PDE11A: variants seen among roughly 807,000 people sequenced by gnomAD.
The protein encoded by PDE11A is dual 3',5'-cyclic-AMP and -GMP phosphodiesterase 11A.
In PDE11A, 100 loss-of-function variants were observed where a neutral mutation model predicts 100.5. The observed-to-expected ratio is 1.00, with a 90% confidence interval of 0.85 to 1.18. The LOEUF (loss-of-function observed/expected upper bound fraction) is 1.18, where lower values mean the gene tolerates loss of function less well. Ranked by LOEUF, PDE11A falls within the 50% of genes most tolerant of loss-of-function variation. The pLI is 0.00. For synonymous variants in PDE11A, 381 were observed against 420.8 expected, an observed-to-expected ratio of 0.91 and a Z score of 1.16; for missense variants, 1,141 against 1,152.6, an observed-to-expected ratio of 0.99 and a Z score of 0.15.
At chr2:177,795,793 G>A (rs1347307348) in intron 9 of PDE11A, among the ~76,000 whole-genome samples, 1 of 151,384 alleles carries the variant, frequency 6.6e-6, no homozygotes, top group Non-Finnish European at 1.5e-5. Flanking sequence ...TCATTTTTAT[G>A]TATTGAGAAA....
intron 9 of PDE11A, among the ~76,000 whole-genome samples, chr2:177,786,576 G>A (rs2082541267): frequency 5.3e-5 from 8 of 152,156 alleles, no homozygotes; most frequent in Admixed American, 5.2e-4. Context: ...GGCTTCAGAC[G>A]ATCAAATTAC....
chr2:178,007,853 T>C (rs6433707), intron 2 of PDE11A, among the ~76,000 whole-genome samples: 149,904 of 152,174 alleles, frequency 0.99, 73,870 homozygotes, highest in East Asian at 1. Context: ...TACAGACATG[T>C]GCCACCACAA....
intron 1 of PDE11A, among the ~76,000 whole-genome samples, chr2:178,060,659 C>T (rs2086956955): frequency 6.6e-6 from 1 of 152,134 alleles, no homozygotes; most frequent in South Asian, 2.1e-4. Context: ...CACCATTTCC[C>T]TTATGCGTCT....
At chr2:177,735,383 A>G (rs1192554330) in intron 10 of PDE11A, among the ~76,000 whole-genome samples, 1 of 151,476 alleles carries the variant, frequency 6.6e-6, no homozygotes, top group Middle Eastern at 3.2e-3. Flanking sequence ...AAGAAGAAAG[A>G]AAAAACAATG....
At position 177,873,252 on chromosome 2, in the gene PDE11A, T is replaced by C. The variant is rs571655535; in HGVS notation, c.1367+2607A>G. ...CAAAAGTTGTGTTTTAATAACTACA[T>C]AAAGCTTCCCCTCTCATATATGAGA... On this transcript the variant is annotated intron_variant, in intron 5 of 19. Coordinates refer to ENST00000286063, the MANE Select transcript of PDE11A (RefSeq NM_016953.4). Among the ~76,000 whole-genome samples, 3 of 152,304 alleles carry C rather than the reference T, an allele frequency of 2.0e-5. No homozygotes were observed. The East Asian group carries it at 5.8e-4, about 29-fold the overall frequency.
chr2:177,624,679 ACTTCT>A lies in PDE11A; in HGVS notation c.*4723_*4727del, dbSNP rs2079807105. 1 of 152,260 alleles carries A rather than the reference ACTTCT, an allele frequency of 6.6e-6. No individual in the cohort carries two copies. The highest frequency in any genetic ancestry group is 1.5e-5 in the Non-Finnish European group (1 of 68,046). The allele number at this position is 152,260 out of a possible 1,614,324, so 9.4% of individuals were successfully genotyped here. On this transcript the variant is annotated 3_prime_UTR_variant, in exon 20 of 20. Coordinates refer to ENST00000286063, the MANE Select transcript of PDE11A (RefSeq NM_016953.4). ...GAAACAAAATGCATGTGCAATTTTA[ACTTCT>A]CTTAACTTTATAAATTCACTTCTAA...
intron 13 of PDE11A, among the ~76,000 whole-genome samples, chr2:177,705,320 A>G (rs1327778826): frequency 1.3e-5 from 2 of 152,208 alleles, no homozygotes; most frequent in African/African-American, 4.8e-5. Flanking sequence ...TATATCCATC[A>G]TATAAGTGTC....
rs373811283 is a variant in PDE11A, at chr2:177,894,221, G to A, written c.1302+3837C>T. Among the ~76,000 whole-genome samples, 17 of 152,280 alleles carry A rather than the reference G, an allele frequency of 1.1e-4. No individual in the cohort carries two copies. The South Asian group carries it at 1.5e-3, about 13-fold the overall frequency. On this transcript the variant is annotated intron_variant, in intron 4 of 19. Coordinates refer to ENST00000286063, the MANE Select transcript of PDE11A (RefSeq NM_016953.4). Reference sequence around the variant, plus strand: ...CCTAAAGGTTTGAGAAGCCTTTGGTGAGAAGTGTATTAAAGGAATGCCTAG... The same window carrying A: ...CCTAAAGGTTTGAGAAGCCTTTGGTAAGAAGTGTATTAAAGGAATGCCTAG...
At chr2:177,783,344 CAT>C (rs2082481549) in intron 9 of PDE11A, among the ~76,000 whole-genome samples, 1 of 152,172 alleles carries the variant, frequency 6.6e-6, no homozygotes. Context: ...CAGAAGTTCT[CAT>C]ATGTGTCTTA....
chr2:177,815,309 T>A (rs1444492384), intron 9 of PDE11A, among the ~76,000 whole-genome samples: 1 of 152,206 alleles, frequency 6.6e-6, no homozygotes, highest in Non-Finnish European at 1.5e-5. Flanking sequence ...ACATGCTTCA[T>A]CTCATTTAAT....
chr2:177,899,468 T>A (rs1574263039), intron 3 of PDE11A: 1 of 233,020 alleles, frequency 4.3e-6, no homozygotes. Flanking sequence ...TTATAAATAA[T>A]GAATACCTCC....
intron 5 of PDE11A, among the ~76,000 whole-genome samples, chr2:177,854,119 T>C (rs1413695613): frequency 6.6e-6 from 1 of 151,878 alleles, no homozygotes; most frequent in Non-Finnish European, 1.5e-5. Context: ...TACTGCATAG[T>C]ATTAATCTGA....
At chr2:177,635,952 C>T (rs755122879) in intron 19 of PDE11A, among the ~76,000 whole-genome samples, 11 of 151,434 alleles carry the variant, frequency 7.3e-5, no homozygotes, top group Non-Finnish European at 1.3e-4. Context: ...TTATATTTGG[C>T]CATTACAAAT....
At chr2:177,999,115 AGAC>A (rs2086112910) in intron 2 of PDE11A, among the ~76,000 whole-genome samples, 1 of 152,224 alleles carries the variant, frequency 6.6e-6, no homozygotes, top group Non-Finnish European at 1.5e-5. Context: ...TGTTAAGCCG[AGAC>A]TTAAAAATAA....
At chr2:177,726,881 GTA>G (rs2081607303) in intron 12 of PDE11A, among the ~76,000 whole-genome samples, 1 of 151,874 alleles carries the variant, frequency 6.6e-6, no homozygotes, top group Admixed American at 6.6e-5. Context: ...ACACATGTGT[GTA>G]TATATAACTA....
At chr2:178,052,743 C>A (rs1442650397) in intron 1 of PDE11A, among the ~76,000 whole-genome samples, 3 of 152,168 alleles carry the variant, frequency 2.0e-5, no homozygotes, top group Non-Finnish European at 4.4e-5. Context: ...CACCTCTATG[C>A]AAATAAACTA....
chr2:178,051,689 C>T (rs1365517548), intron 1 of PDE11A, among the ~76,000 whole-genome samples: 1 of 150,900 alleles, frequency 6.6e-6, no homozygotes, highest in Non-Finnish European at 1.5e-5. Flanking sequence ...AAAACAACGA[C>T]AAAAAAAAGC....
At chr2:177,736,388 G>A (rs962526049) in intron 10 of PDE11A, among the ~76,000 whole-genome samples, 1 of 152,080 alleles carries the variant, frequency 6.6e-6, no homozygotes, top group African/African-American at 2.4e-5. Context: ...GCTGGGTGTG[G>A]TGGTGGGCAC....
intron 2 of PDE11A, among the ~76,000 whole-genome samples, chr2:177,949,828 A>C (rs1259123650): frequency 1.3e-5 from 2 of 152,146 alleles, no homozygotes; most frequent in African/African-American, 4.8e-5. Context: ...TGACAATGAG[A>C]GCTTTCACAG....
Sources: gnomAD v4.1 joint callset for allele counts (sites outside exome capture counted in the v4.1 genomes callset) on GRCh38, gnomAD v4.1.1 for gene constraint, MANE v1.5 for transcripts, NCBI Gene and HGNC (gene_info 2026-07-23, HGNC 2026-07-21) for gene names.